The following CRMP1 variants were observed in gnomAD, a reference collection of about 807,000 sequenced individuals.
The protein encoded by CRMP1 is dihydropyrimidinase-related protein 1.
A neutral mutation model predicts 68.3 loss-of-function variants in CRMP1; 19 were observed. The ratio of observed to expected loss-of-function variants is 0.28; its 90% confidence interval spans 0.19 to 0.41. The LOEUF (loss-of-function observed/expected upper bound fraction) is 0.41, where lower values mean the gene tolerates loss of function less well. Among genes scored for constraint, CRMP1 ranks in the 10% least tolerant of loss-of-function variants. The pLI is 1.00. For synonymous variants in CRMP1, 439 were observed against 399.6 expected (o/e 1.10, Z -1.18); for missense variants, 791 against 967.4 (o/e 0.82, Z 2.42).
intron 4 of CRMP1, among the ~76,000 whole-genome samples, chr4:5,851,844 G>A (rs1181937199): frequency 1.3e-5 from 2 of 150,852 alleles, no homozygotes; most frequent in African/African-American, 2.4e-5. Context: ...AGAAGGGGAG[G>A]AGGAGGAGGA....
In CRMP1 at chr4:5,888,313, C is replaced by G. The variant is rs368325751; in HGVS notation, c.381+4276G>C. 4.8e-6 allele frequency: 6 copies of G among 1,247,328 alleles called. No individual in the cohort carries two copies. In the African/African-American group the frequency reaches 7.8e-5, roughly 16 times the overall value. The allele number at this position is 1,247,328 out of a possible 1,614,324, so 77.3% of individuals were successfully genotyped here. A position where few individuals can be genotyped will look rare whatever the true frequency, so the allele number is the denominator to read the frequency against. ...CCCGGCCGCTGACCTGCGGGGCTGT[C>G]TGACTGGAACCGGCGCTCTCGGCCC... On this transcript the variant is annotated intron_variant, in intron 1 of 13. Coordinates refer to ENST00000324989, the MANE Select transcript of CRMP1 (RefSeq NM_001014809.3). The surrounding 1 kb of genome is among the most constrained non-coding windows in gnomAD (Gnocchi z 6.4).
Position 5,841,379 on chromosome 4 carries a change from T to G in CRMP1, c.1082A>C (p.Asn361Thr). Reference protein sequence around the residue: ...FRAITIAGRINCPVYITKVMS... With the variant: ...FRAITIAGRITCPVYITKVMS... ...GACCTTGGTGATGTACACAGGGCAG[T>G]TGATCCGGCCCGCAATGGTGATGGC... Residue 361 changes from asparagine (N) to threonine (T), a missense_variant, in exon 8 of 14, where the codon AAC (asparagine) becomes ACC (threonine). Physicochemically the swap from Asn to Thr is moderately conservative, Grantham distance 65. Coordinates refer to ENST00000324989, the MANE Select transcript of CRMP1 (RefSeq NM_001014809.3). This position sits in a 1 kb window ranked among gnomAD's most constrained non-coding sequence, Gnocchi z 6.9. 1 of 1,614,156 alleles carries G rather than the reference T, an allele frequency of 6.2e-7. No homozygotes were observed. Among genetic ancestry groups the G allele is most frequent in the Non-Finnish European group, 8.5e-7 (1 of 1,180,022 alleles).
At position 5,888,370 on chromosome 4, in the gene CRMP1, G is replaced by T; in HGVS notation, c.381+4219C>A. 1 of 1,228,366 alleles carries T rather than the reference G, an allele frequency of 8.1e-7. No individual in the cohort carries two copies. Among genetic ancestry groups the T allele is most frequent in the South Asian group, 4.1e-5 (1 of 24,566 alleles). The allele number at this position is 1,228,366 out of a possible 1,614,324, so 76.1% of individuals were successfully genotyped here. A position where few individuals can be genotyped will look rare whatever the true frequency, so the allele number is the denominator to read the frequency against. Reference sequence around the variant, plus strand: ...CAGCGGGCGCGCTGACAAAGGCCCGGGAGGGATAGAGACACGGACGGAGGC... The same window carrying T: ...CAGCGGGCGCGCTGACAAAGGCCCGTGAGGGATAGAGACACGGACGGAGGC... On this transcript the variant is annotated intron_variant, in intron 1 of 13. Transcript: ENST00000324989. This position sits in a 1 kb window ranked among gnomAD's most constrained non-coding sequence, Gnocchi z 6.4.
rs573694308 is a variant in CRMP1, at chr4:5,851,300, G to A, written c.882+108C>T. 156 of 994,518 alleles carry A rather than the reference G, an allele frequency of 1.6e-4. 1 individual carries two copies. The South Asian group carries it at 1.9e-3, about 12-fold the overall frequency. 61.6% of individuals were successfully genotyped at this position (994,518 alleles called of 1,614,324 possible). ...CCATTCCATGCCAGAACCAGGACTCGAATCCCACGGCTTCTCACAATCTCC... is the reference window on the plus strand; with the variant it reads ...CCATTCCATGCCAGAACCAGGACTCAAATCCCACGGCTTCTCACAATCTCC... On this transcript the variant is annotated intron_variant, in intron 5 of 13. Transcript: ENST00000324989.
At chr4:5,836,952 G>T in intron 9 of CRMP1, 46 bp from the exon 10 acceptor site, 1 of 1,553,260 alleles carries the variant, frequency 6.4e-7, no homozygotes. Flanking sequence ...AGTTCATTTT[G>T]AAGGCAAATC....
chr4:5,877,122 G>A lies in CRMP1; in HGVS notation c.382-10366C>T, dbSNP rs546279575. Among the ~76,000 whole-genome samples, 8 of 152,280 alleles carry A rather than the reference G, an allele frequency of 5.3e-5. No homozygotes were observed. In the East Asian group the frequency reaches 1.5e-3, roughly 29 times the overall value. On this transcript the variant is annotated intron_variant, in intron 1 of 13. Transcript: ENST00000324989. This position sits in a 1 kb window ranked among gnomAD's most constrained non-coding sequence, Gnocchi z 4.3. ...TGAAAACCACAGGACCCAAGGAGTG[G>A]CAGCCCCAGAATGAGAGGATTTGAG... is the stretch of plus-strand genomic sequence containing the variant.
intron 9 of CRMP1, among the ~76,000 whole-genome samples, chr4:5,837,198 TG>T (rs1720780261): frequency 6.6e-6 from 1 of 152,240 alleles, no homozygotes; most frequent in Non-Finnish European, 1.5e-5. Flanking sequence ...GTGCTGTGCT[TG>T]CAGAACAAAC....
intron 9 of CRMP1, among the ~76,000 whole-genome samples, chr4:5,837,609 C>A (rs1421284760): frequency 8.9e-6 from 1 of 111,822 alleles, no homozygotes; most frequent in African/African-American, 3.8e-5. Flanking sequence ...GCCTGGGCGA[C>A]AAGAGCAAAA....
chr4:5,887,645 G>A (rs750809563), intron 1 of CRMP1: 2 of 985,420 alleles, frequency 2.0e-6, no homozygotes, highest in African/African-American at 1.7e-5. Flanking sequence ...AGCCGCCAGC[G>A]TCGCCCCATT....
intron 11 of CRMP1, among the ~76,000 whole-genome samples, chr4:5,829,544 T>C (rs920987570): frequency 6.6e-6 from 1 of 152,202 alleles, no homozygotes; most frequent in African/African-American, 2.4e-5. Context: ...AAAAAAGATA[T>C]TGGATAGAAA....
At position 5,838,045 on chromosome 4, in the gene CRMP1, G is replaced by A. The variant is rs766049168; in HGVS notation, c.1311-1139C>T. ...CAACCAAAGCAGGTGGGGATGAGGCGTGCTGGGGACAGGCTGGAGATGCCA... is the reference window on the plus strand; with the variant it reads ...CAACCAAAGCAGGTGGGGATGAGGCATGCTGGGGACAGGCTGGAGATGCCA... On this transcript the variant is annotated intron_variant, in intron 9 of 13. Transcript: ENST00000324989. The surrounding 1 kb of genome is among the most constrained non-coding windows in gnomAD (Gnocchi z 4.9). 3.2e-4 allele frequency among the ~76,000 whole-genome samples: 49 copies of A among 152,216 alleles called. No homozygotes were observed. Among genetic ancestry groups the A allele is most frequent in the Non-Finnish European group, 5.9e-4 (40 of 68,050 alleles).
chr4:5,842,743 G>T lies in CRMP1; in HGVS notation c.1032+350C>A, dbSNP rs34990812. On this transcript the variant is annotated intron_variant, in intron 7 of 13. Transcript: ENST00000324989. The surrounding 1 kb of genome is among the most constrained non-coding windows in gnomAD (Gnocchi z 4.5). ...CATCCTTTTTCAAGGCTTGGGAACA[G>T]GGCAGGCAGTGGGAGTTGTCTCCTG... Among the ~76,000 whole-genome samples the T allele has an allele frequency of 9.9e-5, 15 of 152,002 alleles. No homozygotes were observed. Among genetic ancestry groups the T allele is most frequent in the Non-Finnish European group, 1.9e-4 (13 of 67,994 alleles).
At chr4:5,823,767 G>C (rs1442326947) in intron 13 of CRMP1, among the ~76,000 whole-genome samples, 3 of 152,066 alleles carry the variant, frequency 2.0e-5, no homozygotes, top group African/African-American at 7.3e-5. Flanking sequence ...CGTGCTGCTT[G>C]TACAGCCTGC....
intron 11 of CRMP1, among the ~76,000 whole-genome samples, chr4:5,833,084 A>AG (rs1406721987): frequency 1.3e-5 from 2 of 151,948 alleles, no homozygotes; most frequent in Non-Finnish European, 2.9e-5. Flanking sequence ...GTGGCCTGGA[A>AG]GGGGTCTGCC....
chr4:5,821,629 A>G lies in CRMP1; in HGVS notation c.*131T>C. ...CACTTCTTCCTAAACAGAAAAGGGAAAGAGCATCCTTCGACTTCCCCCTCC... is the reference window on the plus strand; with the variant it reads ...CACTTCTTCCTAAACAGAAAAGGGAGAGAGCATCCTTCGACTTCCCCCTCC... On this transcript the variant is annotated 3_prime_UTR_variant, in exon 14 of 14. Transcript: ENST00000324989. The surrounding 1 kb of genome is among the most constrained non-coding windows in gnomAD (Gnocchi z 4.4). 2.4e-6 allele frequency: 2 copies of G among 837,998 alleles called. No individual in the cohort carries two copies. Among genetic ancestry groups the G allele is most frequent in the Non-Finnish European group, 3.7e-6 (2 of 538,924 alleles). 51.9% of individuals were successfully genotyped at this position (837,998 alleles called of 1,614,324 possible).
chr4:5,885,767 G>C (rs899989366), intron 1 of CRMP1, among the ~76,000 whole-genome samples: 2 of 152,142 alleles, frequency 1.3e-5, no homozygotes, highest in African/African-American at 4.8e-5. Flanking sequence ...GCTCTAGAAG[G>C]GCCAGGGCAA....
chr4:5,851,839 G>GGGA (rs769856109), intron 4 of CRMP1, among the ~76,000 whole-genome samples: 1 of 147,330 alleles, frequency 6.8e-6, no homozygotes, highest in South Asian at 2.2e-4. Context: ...GAAGGAGAAG[G>GGGA]GGAGGAGGAG....
intron 11 of CRMP1, among the ~76,000 whole-genome samples, chr4:5,829,275 A>T (rs970823259): frequency 6.6e-6 from 1 of 152,088 alleles, no homozygotes; most frequent in Non-Finnish European, 1.5e-5. Context: ...TGTACCCCCA[A>T]CTACTCGGGA....
chr4:5,865,952 G>C lies in CRMP1; in HGVS notation c.470+716C>G, dbSNP rs369786940. On this transcript the variant is annotated intron_variant, in intron 2 of 13. Transcript: ENST00000324989. The surrounding 1 kb of genome is among the most constrained non-coding windows in gnomAD (Gnocchi z 4.1). ...AGCCAAGGAAGAACCTCAGGAAGAA[G>C]TTCAGGAAGGCCTCAGGAAGAACCA... 2.3e-3 allele frequency among the ~76,000 whole-genome samples: 350 copies of C among 152,266 alleles called. No individual in the cohort carries two copies. The highest frequency in any genetic ancestry group is 7.9e-3 in the African/African-American group (330 of 41,550).
Sources: allele counts gnomAD v4.1 joint callset (sites outside exome capture counted in the v4.1 genomes callset), GRCh38; gene constraint gnomAD v4.1.1; non-coding constraint Gnocchi (gnomAD v3.1); transcripts MANE v1.5; gene names NCBI Gene and HGNC (gene_info 2026-07-23, HGNC 2026-07-21).